The following GRID1 variants were observed in gnomAD, a reference collection of about 807,000 sequenced individuals.
The protein encoded by GRID1 is glutamate ionotropic receptor delta type subunit 1.
GRID1 carries 28 observed loss-of-function variants against 98.0 expected under a neutral mutation model. That is an observed-to-expected ratio of 0.29 (90% CI 0.21 to 0.39). The LOEUF is 0.39. GRID1 is among the 10% of genes least tolerant of loss of function. GRID1 has a pLI of 1.00. For synonymous variants in GRID1, 553 were observed against 538.5 expected, an observed-to-expected ratio of 1.03 and a Z score of -0.37; for missense variants, 1,111 against 1,340.5, an observed-to-expected ratio of 0.83 and a Z score of 2.67.
At chr10:86,289,936 G>A (rs1039368185) in intron 2 of GRID1, among the ~76,000 whole-genome samples, 1 of 152,194 alleles carries the variant, frequency 6.6e-6, no homozygotes, top group African/African-American at 2.4e-5. Flanking sequence ...CATTGGGTGG[G>A]AAGGACATTC....
intron 2 of GRID1, among the ~76,000 whole-genome samples, chr10:86,284,733 G>A (rs1847404713): frequency 6.6e-6 from 1 of 152,256 alleles, no homozygotes; most frequent in Non-Finnish European, 1.5e-5. Flanking sequence ...CGTGGATGCT[G>A]TGGGGAAGGC....
At chr10:85,824,899 G>A (rs1186345090) in intron 8 of GRID1, among the ~76,000 whole-genome samples, 1 of 152,202 alleles carries the variant, frequency 6.6e-6, no homozygotes, top group Non-Finnish European at 1.5e-5. Context: ...TTATGGCTCA[G>A]TAGTATGCCA....
chr10:86,273,210 A>G (rs944839487), intron 2 of GRID1, among the ~76,000 whole-genome samples: 2 of 150,658 alleles, frequency 1.3e-5, no homozygotes, highest in African/African-American at 4.9e-5. Flanking sequence ...ATGATTTCCA[A>G]TTTCATCCAT....
intron 2 of GRID1, among the ~76,000 whole-genome samples, chr10:86,262,520 T>C (rs1405801054): frequency 6.6e-6 from 1 of 152,186 alleles, no homozygotes; most frequent in Non-Finnish European, 1.5e-5. Flanking sequence ...GCATGGATGC[T>C]GGCAGAGGGC....
intron 8 of GRID1, among the ~76,000 whole-genome samples, chr10:85,815,144 A>G (rs1842704513): frequency 6.6e-6 from 1 of 152,072 alleles, no homozygotes; most frequent in Non-Finnish European, 1.5e-5. Flanking sequence ...TGAAAACCTG[A>G]GAGAAAAAAA....
At chr10:86,201,468 A>G (rs1589408522) in intron 3 of GRID1, among the ~76,000 whole-genome samples, 1 of 152,158 alleles carries the variant, frequency 6.6e-6, no homozygotes, top group African/African-American at 2.4e-5. Context: ...TATAAGTGGG[A>G]ACTAAATGAT....
intron 4 of GRID1, among the ~76,000 whole-genome samples, chr10:85,956,013 G>A (rs1159368984): frequency 1.3e-5 from 2 of 152,152 alleles, no homozygotes; most frequent in African/African-American, 2.4e-5. Flanking sequence ...AGGCTCCCTG[G>A]CAAAATTGAT....
chr10:85,980,355 C>T (rs1424241540), intron 4 of GRID1, among the ~76,000 whole-genome samples: 1 of 152,260 alleles, frequency 6.6e-6, no homozygotes, highest in Non-Finnish European at 1.5e-5. Context: ...AACAGTGGGA[C>T]TGTGATGCCT....
intron 3 of GRID1, among the ~76,000 whole-genome samples, chr10:86,172,071 T>C (rs992622735): frequency 2.0e-5 from 3 of 152,166 alleles, no homozygotes; most frequent in Non-Finnish European, 2.9e-5. Context: ...ATTCAGACTC[T>C]TGCAACCACC....
intron 8 of GRID1, among the ~76,000 whole-genome samples, chr10:85,764,040 C>G (rs1842173795): frequency 6.6e-6 from 1 of 152,118 alleles, no homozygotes; most frequent in African/African-American, 2.4e-5. Flanking sequence ...AATATTAGTT[C>G]TTAATAAAAG....
At chr10:86,017,604 T>C (rs1313671438) in intron 4 of GRID1, among the ~76,000 whole-genome samples, 2 of 152,338 alleles carry the variant, frequency 1.3e-5, no homozygotes, top group Admixed American at 6.5e-5. Context: ...TTTGGCTGTA[T>C]TGGCCCTGGT....
At chr10:85,611,099 C>G (rs1036584099) in intron 15 of GRID1, among the ~76,000 whole-genome samples, 1 of 152,182 alleles carries the variant, frequency 6.6e-6, no homozygotes, top group Non-Finnish European at 1.5e-5. Flanking sequence ...CTGTTCCTCA[C>G]AGCTAGGTTA....
intron 5 of GRID1, among the ~76,000 whole-genome samples, chr10:85,906,110 T>A (rs933634958): frequency 1.3e-5 from 2 of 152,070 alleles, no homozygotes; most frequent in African/African-American, 4.8e-5. Flanking sequence ...GCTGCAGTAA[T>A]CCCAGATAAA....
Position 85,799,177 on chromosome 10 carries a change from C to G in GRID1, c.1233+55319G>C, listed in dbSNP as rs138289579. On this transcript the variant is annotated intron_variant, in intron 8 of 15. Coordinates refer to ENST00000327946, the MANE Select transcript of GRID1 (RefSeq NM_017551.3). ...AAATGTGTGTATTTATTTCTGGGCT[C>G]TCTCTTTTGTTTAATTGGTCTACAT... Among the ~76,000 whole-genome samples, 649 of 152,164 alleles carry G rather than the reference C, an allele frequency of 4.3e-3. 6 individuals are homozygous for G. Among genetic ancestry groups the G allele is most frequent in the African/African-American group, 0.015 (608 of 41,518 alleles).
At chr10:85,711,828 A>T (rs1255461653) in intron 12 of GRID1, among the ~76,000 whole-genome samples, 1 of 151,800 alleles carries the variant, frequency 6.6e-6, no homozygotes, top group Admixed American at 6.6e-5. Flanking sequence ...AGAGCACATC[A>T]AACAGTTTTA....
At chr10:86,262,927 T>TCGCC (rs1564722746) in intron 2 of GRID1, among the ~76,000 whole-genome samples, 2 of 152,006 alleles carry the variant, frequency 1.3e-5, no homozygotes, top group African/African-American at 2.4e-5. Context: ...CAGGCCGGCA[T>TCGCC]CGCCCGCCCT....
At chr10:86,153,123 T>C (rs911735155) in intron 3 of GRID1, among the ~76,000 whole-genome samples, 1 of 152,074 alleles carries the variant, frequency 6.6e-6, no homozygotes, top group Admixed American at 6.6e-5. Context: ...GCCACAGAGC[T>C]TCCCGTGCCT....
chr10:86,342,550 C>G (rs1027732268), intron 2 of GRID1, among the ~76,000 whole-genome samples: 11 of 152,236 alleles, frequency 7.2e-5, no homozygotes, highest in African/African-American at 2.7e-4. Context: ...TGTTATATAC[C>G]CAAGGGGGAC....
chr10:85,964,237 T>TC (rs1235438615), intron 4 of GRID1, among the ~76,000 whole-genome samples: 30 of 151,908 alleles, frequency 2.0e-4, no homozygotes, highest in Admixed American at 1.8e-3. Context: ...CTCAATGCTA[T>TC]CCCCCTCAAG....
Sources: gnomAD v4.1 joint callset for allele counts (sites outside exome capture counted in the v4.1 genomes callset) on GRCh38, gnomAD v4.1.1 for gene constraint, MANE v1.5 for transcripts, NCBI Gene and HGNC (gene_info 2026-07-23, HGNC 2026-07-21) for gene names.